The following EPS15 variants were observed in gnomAD, a reference collection of about 807,000 sequenced individuals.
The protein encoded by EPS15 is epidermal growth factor receptor pathway substrate 15, also known as epidermal growth factor receptor substrate 15.
In EPS15, 72 loss-of-function variants were observed where a neutral mutation model predicts 113.8. The ratio of observed to expected loss-of-function variants is 0.63; its 90% CI spans 0.52 to 0.77. The LOEUF is 0.77. Ranked by LOEUF, EPS15 falls within the 30% of genes least tolerant of loss-of-function variation. The pLI is 0.00. For missense variants in EPS15, 1,048 were observed against 1,045.8 expected (o/e 1.00, Z -0.03); for synonymous variants, 344 against 363.4 (o/e 0.95, Z 0.61).
At chr1:51,404,866 C>A (rs1474593894) in intron 16 of EPS15, among the ~76,000 whole-genome samples, 3 of 152,188 alleles carry the variant, frequency 2.0e-5, no homozygotes, top group East Asian at 1.9e-4. Flanking sequence ...CACATTTATA[C>A]TTTGACAATC....
At chr1:51,363,625 T>TA (rs1200203555) in intron 23 of EPS15, among the ~76,000 whole-genome samples, 2 of 151,590 alleles carry the variant, frequency 1.3e-5, no homozygotes, top group Non-Finnish European at 2.9e-5. Context: ...ATGATTAAGT[T>TA]AAAAAAAAGA....
intron 1 of EPS15, among the ~76,000 whole-genome samples, chr1:51,501,443 T>C (rs765755941): frequency 3.9e-5 from 6 of 152,018 alleles, no homozygotes; most frequent in Non-Finnish European, 7.4e-5. Flanking sequence ...GTGTTACTCA[T>C]TGGTAGTATT....
In EPS15 at chr1:51,355,743, A is replaced by G. The variant is rs1371216212; in HGVS notation, c.*957T>C. Reference sequence around the variant, plus strand: ...AAAAAAAAACAAATATATATGAAAAATTAAAGTACCTTCCAGTTCTAGCTT... The same window carrying G: ...AAAAAAAAACAAATATATATGAAAAGTTAAAGTACCTTCCAGTTCTAGCTT... On this transcript the variant is annotated 3_prime_UTR_variant, in exon 25 of 25. Transcript: ENST00000371733. 4 of 190,776 alleles carry G rather than the reference A, an allele frequency of 2.1e-5. No individual in the cohort carries two copies. The highest frequency in any genetic ancestry group is 4.4e-5 in the Non-Finnish European group (4 of 91,300). The allele number at this position is 190,776 out of a possible 1,614,324, so 11.8% of individuals were successfully genotyped here. A position where few individuals can be genotyped will look rare whatever the true frequency, so the allele number is the denominator to read the frequency against.
intron 7 of EPS15, chr1:51,461,817 A>T (rs548899962): frequency 1.3e-5 from 2 of 152,352 alleles, no homozygotes; most frequent in South Asian, 4.1e-4. Flanking sequence ...AGTAGTAGTA[A>T]TAATATGGTG....
At chr1:51,420,483 T>C (rs1650650665) in intron 13 of EPS15, among the ~76,000 whole-genome samples, 1 of 152,220 alleles carries the variant, frequency 6.6e-6, no homozygotes, top group South Asian at 2.1e-4. Context: ...CACCTATTTC[T>C]TCAAATTATG....
At chr1:51,481,411 A>G (rs1334833996) in intron 1 of EPS15, 97 bp from the exon 2 acceptor site, 6 of 685,370 alleles carry the variant, frequency 8.8e-6, no homozygotes, top group East Asian at 2.8e-5. Context: ...ACAAAGATGA[A>G]TAAGATAAAA....
intron 13 of EPS15, among the ~76,000 whole-genome samples, chr1:51,420,289 G>C (rs369631689): frequency 6.6e-6 from 1 of 151,990 alleles, no homozygotes; most frequent in Admixed American, 6.6e-5. Flanking sequence ...TAAACTGAAG[G>C]AAACAATGTA....
At position 51,402,591 on chromosome 1, in the gene EPS15, A is replaced by G. The variant is rs935273477; in HGVS notation, c.1792-66T>C. On this transcript the variant is annotated intron_variant, in intron 17 of 24. Coordinates refer to ENST00000371733, the MANE Select transcript of EPS15 (RefSeq NM_001981.3). ...AAGTTTTAAAAGGTAACATTTTAAA[A>G]TAAAATAACACACATTCAGGTCATA... 15 of 859,034 alleles carry G rather than the reference A, an allele frequency of 1.7e-5. No individual in the cohort carries two copies. In the African/African-American group the frequency reaches 2.1e-4, roughly 12 times the overall value. The allele number at this position is 859,034 out of a possible 1,614,324, so 53.2% of individuals were successfully genotyped here.
chr1:51,394,235 C>T (rs1647678161), intron 21 of EPS15, 146 bp downstream of exon 21: 2 of 512,108 alleles, frequency 3.9e-6, no homozygotes, highest in East Asian at 6.2e-5. Flanking sequence ...TATACAAATG[C>T]TTATTATTGG....
chr1:51,497,389 T>C (rs748152947), intron 1 of EPS15, among the ~76,000 whole-genome samples: 1 of 152,198 alleles, frequency 6.6e-6, no homozygotes, highest in Non-Finnish European at 1.5e-5. Context: ...AGGAAAAAGA[T>C]AACTTGTCCA....
In EPS15 at chr1:51,476,594, C is replaced by T. The variant is rs984884869; in HGVS notation, c.76-3646G>A. On this transcript the variant is annotated intron_variant, in intron 2 of 24. Coordinates refer to ENST00000371733, the MANE Select transcript of EPS15 (RefSeq NM_001981.3). ...CTATTTGATCCTTCTCTCTTTTCTTCTTTATTAGTCTTGCTAGCGGTCTAT... is the reference window on the plus strand; with the variant it reads ...CTATTTGATCCTTCTCTCTTTTCTTTTTTATTAGTCTTGCTAGCGGTCTAT... Among the ~76,000 whole-genome samples the T allele has an allele frequency of 5.9e-5, 9 of 152,104 alleles. 1 individual carries two copies. In the South Asian group the frequency reaches 1.7e-3, roughly 28 times the overall value.
intron 2 of EPS15, among the ~76,000 whole-genome samples, chr1:51,477,407 T>C (rs540157008): frequency 2.0e-5 from 3 of 152,226 alleles, no homozygotes; most frequent in East Asian, 3.9e-4. Flanking sequence ...AAAACCAGCT[T>C]CTGGATTCCC....
chr1:51,371,891 T>C (rs947691351), intron 21 of EPS15, among the ~76,000 whole-genome samples: 7 of 152,232 alleles, frequency 4.6e-5, no homozygotes, highest in African/African-American at 1.7e-4. Flanking sequence ...CTATTTTCTA[T>C]ACTGAATTTT....
At chr1:51,461,521 T>TAA (rs34184025) in intron 7 of EPS15, among the ~76,000 whole-genome samples, 7,417 of 84,844 alleles carry the variant, frequency 0.087, 642 homozygotes, top group Non-Finnish European at 0.12. Flanking sequence ...CACTGTTTCT[T>TAA]AAAAAAAAAA....
chr1:51,410,016 C>CA (rs981951562), intron 13 of EPS15, among the ~76,000 whole-genome samples: 23 of 104,426 alleles, frequency 2.2e-4, no homozygotes, highest in Middle Eastern at 0.011. Context: ...ATTCTCTGGT[C>CA]AAAAAAAAAC....
chr1:51,471,860 T>C, intron 3 of EPS15, 123 bp from the exon 4 acceptor site: 1 of 779,592 alleles, frequency 1.3e-6, no homozygotes, highest in Middle Eastern at 3.7e-4. Context: ...AATCATAGAA[T>C]TAAGAGTGGA....
In EPS15 at chr1:51,491,488, T is replaced by C. The variant is rs1418326243; in HGVS notation, c.34-10174A>G. 1.3e-5 allele frequency among the ~76,000 whole-genome samples: 2 copies of C among 152,186 alleles called. 1 individual carries two copies. The highest frequency in any genetic ancestry group is 2.9e-5 in the Non-Finnish European group (2 of 68,030). On this transcript the variant is annotated intron_variant, in intron 1 of 24. Coordinates refer to ENST00000371733, the MANE Select transcript of EPS15 (RefSeq NM_001981.3). ...TTAGAAGCTTTTGATAGGCTATCCA[T>C]ATCTAGAAAAGGCTTGTATATTTTA...
intron 4 of EPS15, among the ~76,000 whole-genome samples, chr1:51,469,588 G>C (rs138741009): frequency 6.6e-6 from 1 of 152,040 alleles, no homozygotes; most frequent in East Asian, 1.9e-4. Flanking sequence ...TAGTATAGTC[G>C]CTGATGTAAT....
At chr1:51,385,214 TA>T (rs1232757981) in intron 21 of EPS15, among the ~76,000 whole-genome samples, 2 of 152,084 alleles carry the variant, frequency 1.3e-5, no homozygotes, top group African/African-American at 4.8e-5. Context: ...CTAGGATATA[TA>T]AAAAATTCAA....
Sources: allele counts gnomAD v4.1 joint callset (sites outside exome capture counted in the v4.1 genomes callset), GRCh38; gene constraint gnomAD v4.1.1; transcripts MANE v1.5; gene names NCBI Gene and HGNC (gene_info 2026-07-23, HGNC 2026-07-21).